The following RPH3A variants were observed in gnomAD, a reference collection of about 807,000 sequenced individuals.
RPH3A encodes the protein rabphilin 3A.
A neutral mutation model predicts 102.2 loss-of-function variants in RPH3A; 48 were observed. The observed-to-expected ratio is 0.47, with a 90% CI of 0.37 to 0.60. The LOEUF (loss-of-function observed/expected upper bound fraction) is 0.60, where lower values mean the gene tolerates loss of function less well. Among genes scored for constraint, RPH3A ranks in the 20% least tolerant of loss-of-function variants. RPH3A has a pLI of 0.00. For missense variants in RPH3A, 781 were observed against 910.1 expected (o/e 0.86, Z 1.83); for synonymous variants, 310 against 324.3 (o/e 0.96, Z 0.47).
intron 1 of RPH3A, among the ~76,000 whole-genome samples, chr12:112,708,768 G>A (rs2040441618): frequency 6.6e-6 from 1 of 152,118 alleles, no homozygotes; most frequent in Non-Finnish European, 1.5e-5. Flanking sequence ...GGAGCCTCCT[G>A]CGAAAATAGA....
At chr12:112,715,493 C>G (rs2040507261) in intron 1 of RPH3A, among the ~76,000 whole-genome samples, 1 of 152,168 alleles carries the variant, frequency 6.6e-6, no homozygotes, top group Admixed American at 6.5e-5. Context: ...TTATAATATT[C>G]CTAGCATCTA....
At chr12:112,742,591 A>G (rs1160569036) in intron 1 of RPH3A, among the ~76,000 whole-genome samples, 1 of 152,194 alleles carries the variant, frequency 6.6e-6, no homozygotes, top group Non-Finnish European at 1.5e-5. Flanking sequence ...TTTCGAAACA[A>G]TGAATACAGT....
chr12:112,677,486 C>T (rs2040188241), intron 1 of RPH3A, among the ~76,000 whole-genome samples: 1 of 136,214 alleles, frequency 7.3e-6, no homozygotes, highest in Non-Finnish European at 1.6e-5. Context: ...TCCTTCCTTC[C>T]CTCTTTCTCT....
At chr12:112,696,696 A>T (rs894389717) in intron 1 of RPH3A, among the ~76,000 whole-genome samples, 8 of 152,228 alleles carry the variant, frequency 5.3e-5, no homozygotes, top group Admixed American at 2.0e-4. Flanking sequence ...CATCAAAAAG[A>T]TGTGCAGCTC....
intron 1 of RPH3A, among the ~76,000 whole-genome samples, chr12:112,694,632 A>ACG (rs752695966): frequency 5.2e-5 from 6 of 115,082 alleles, no homozygotes; most frequent in South Asian, 3.5e-4. Flanking sequence ...AGACACACGC[A>ACG]CGCGCGCGCG....
chr12:112,649,731 G>C (rs1184942999), intron 1 of RPH3A, among the ~76,000 whole-genome samples: 1 of 152,160 alleles, frequency 6.6e-6, no homozygotes, highest in East Asian at 1.9e-4. Context: ...CCACAGGCTG[G>C]GTGGCTTAAA....
chr12:112,584,391 C>T (rs2039423163), intron 1 of RPH3A, among the ~76,000 whole-genome samples: 1 of 152,182 alleles, frequency 6.6e-6, no homozygotes. Context: ...CTCCAGGGCC[C>T]CGGAAGTTGC....
At chr12:112,678,256 A>G (rs1377146732) in intron 1 of RPH3A, among the ~76,000 whole-genome samples, 2 of 55,468 alleles carry the variant, frequency 3.6e-5, no homozygotes, top group East Asian at 9.3e-4. Flanking sequence ...AAAGAAAGAA[A>G]GAAAGAAAGA....
intron 1 of RPH3A, among the ~76,000 whole-genome samples, chr12:112,686,072 A>G (rs2040261165): frequency 6.6e-6 from 1 of 152,130 alleles, no homozygotes; most frequent in African/African-American, 2.4e-5. Context: ...CTCCAGGACT[A>G]TGTCTTATTC....
At chr12:112,822,247 T>C (rs574500205) in intron 2 of RPH3A, among the ~76,000 whole-genome samples, 119 of 152,306 alleles carry the variant, frequency 7.8e-4, no homozygotes, top group Non-Finnish European at 3.2e-4. Flanking sequence ...AAGCGTCTGG[T>C]TTAATTCCAA....
intron 1 of RPH3A, among the ~76,000 whole-genome samples, chr12:112,709,836 G>T (rs578253845): frequency 5.6e-4 from 85 of 152,248 alleles, no homozygotes; most frequent in African/African-American, 1.9e-3. Flanking sequence ...ACAGTGGGGC[G>T]CTGATTATCC....
chr12:112,868,549 A>G lies in RPH3A; in HGVS notation c.564A>G (p.Glu188=), dbSNP rs1334764193. 3.1e-6 allele frequency: 5 copies of G among 1,614,122 alleles called. No homozygotes were observed. Among genetic ancestry groups the G allele is most frequent in the South Asian group, 1.1e-5 (1 of 91,074 alleles). ...CTGTCAGTGAGCCTGCTGCCCCTGA[A>G]CAGCCTGCTCCTGAGCCCAAGCACC... ...QQPVSEPAAP[E]QPAPEPKHPA... The change falls in exon 8 of 22, where the codon GAA becomes GAG. Residue 188 remains glutamate, a synonymous_variant. Transcript: ENST00000389385.
Position 112,869,939 on chromosome 12 carries a change from C to T in RPH3A, c.696C>T (p.Pro232=), listed in dbSNP as rs149945171. 358 of 1,614,022 alleles carry T rather than the reference C, an allele frequency of 2.2e-4. No individual in the cohort carries two copies. The highest frequency in any genetic ancestry group is 1.3e-4 in the Admixed American group (8 of 59,998). ...SAPGRGNYGP[P]VRRASEARMS... ...CCGGGCGAGGAAACTATGGGCCTCCCGTGCGCAGGGCCTCCGAGGCACGAA... is the reference window on the plus strand; with the variant it reads ...CCGGGCGAGGAAACTATGGGCCTCCTGTGCGCAGGGCCTCCGAGGCACGAA... Residue 232 remains proline (P), a synonymous_variant, in exon 10 of 22, where the codon CCC becomes CCT. Transcript: ENST00000389385.
In RPH3A at chr12:112,776,873, CAAAAAAAAAAAAA is replaced by C. The variant is rs548377186; in HGVS notation, c.-139-15244_-139-15232del. Among the ~76,000 whole-genome samples, 11 of 73,912 alleles carry C rather than the reference CAAAAAAAAAAAAA, an allele frequency of 1.5e-4. 1 individual carries two copies. Among genetic ancestry groups the C allele is most frequent in the South Asian group, 1.0e-3 (2 of 1,980 alleles). 48.5% of individuals were successfully genotyped at this position (73,912 alleles called of 152,430 possible). Reference sequence around the variant, plus strand: ...TGGGCGACAGAGTGAGACTCCATCTCAAAAAAAAAAAAAAAAAAAAAAAAAAAAAAAAAAAAAA... The same window carrying C: ...TGGGCGACAGAGTGAGACTCCATCTCAAAAAAAAAAAAAAAAAAAAAAAAA... On this transcript the variant is annotated intron_variant, in intron 1 of 21. Coordinates refer to the RPH3A transcript ENST00000543106.
At chr12:112,711,208 A>G (rs2040458893) in intron 1 of RPH3A, among the ~76,000 whole-genome samples, 1 of 152,202 alleles carries the variant, frequency 6.6e-6, no homozygotes, top group East Asian at 1.9e-4. Flanking sequence ...TCCTGGACCT[A>G]TTGAGTCAGA....
intron 12 of RPH3A, 133 bp downstream of exon 12, chr12:112,875,874 C>A: frequency 3.0e-6 from 2 of 656,634 alleles, no homozygotes; most frequent in Non-Finnish European, 2.6e-6. Context: ...TAAACAGCTC[C>A]CCCGAGTCTA....
intron 10 of RPH3A, 64 bp downstream of exon 10, chr12:112,870,103 G>C: frequency 5.4e-6 from 8 of 1,492,634 alleles, no homozygotes; most frequent in Non-Finnish European, 7.2e-6. Flanking sequence ...AGAATGAGGG[G>C]AACTGTGTTT....
intron 1 of RPH3A, among the ~76,000 whole-genome samples, chr12:112,776,550 TGA>T (rs1200773661): frequency 6.6e-6 from 1 of 150,646 alleles, no homozygotes. Flanking sequence ...GAGGCAGGGA[TGA>T]GAGAGAGAGA....
chr12:112,674,856 G>GA (rs143809160), intron 1 of RPH3A, among the ~76,000 whole-genome samples: 3 of 152,104 alleles, frequency 2.0e-5, no homozygotes, highest in Admixed American at 1.3e-4. Context: ...TTATTTGGGG[G>GA]AAAAAAATCC....
Sources: allele counts gnomAD v4.1 joint callset (sites outside exome capture counted in the v4.1 genomes callset), GRCh38; gene constraint gnomAD v4.1.1; transcripts MANE v1.5; gene names NCBI Gene and HGNC (gene_info 2026-07-23, HGNC 2026-07-21).